The following KAZN variants were observed in gnomAD, a reference collection of about 807,000 sequenced individuals.
KAZN encodes the protein kazrin, periplakin interacting protein, also known as kazrin.
In KAZN, 40 loss-of-function variants were observed where a neutral mutation model predicts 87.4. The observed-to-expected ratio is 0.46, with a 90% confidence interval of 0.36 to 0.60. KAZN has a LOEUF of 0.60. Ranked by LOEUF, KAZN falls within the 20% of genes least tolerant of loss-of-function variation. The pLI is 0.00. For synonymous variants in KAZN, 466 were observed against 458.3 expected, an observed-to-expected ratio of 1.02 and a Z score of -0.22; for missense variants, 898 against 1,073.9, an observed-to-expected ratio of 0.84 and a Z score of 2.29.
At chr1:14,649,647 T>C (rs1037691011) in intron 1 of KAZN, among the ~76,000 whole-genome samples, 4 of 152,034 alleles carry the variant, frequency 2.6e-5, no homozygotes, top group Non-Finnish European at 5.9e-5. Flanking sequence ...ACAGACCAAA[T>C]GTCAAGGCGA....
chr1:14,245,416 G>T (rs1296750042), intron 2 of KAZN, among the ~76,000 whole-genome samples: 1 of 151,974 alleles, frequency 6.6e-6, no homozygotes, highest in Non-Finnish European at 1.5e-5. Flanking sequence ...CAATAAATGG[G>T]GAGCTATATC....
chr1:14,594,781 G>A (rs879694155), upstream of KAZN, among the ~76,000 whole-genome samples: 2 of 152,190 alleles, frequency 1.3e-5, no homozygotes, highest in Non-Finnish European at 2.9e-5. Context: ...GGCGGTAAAC[G>A]CCTATCAGCC....
chr1:14,520,574 G>A (rs1671534984), intron 2 of KAZN, among the ~76,000 whole-genome samples: 1 of 152,146 alleles, frequency 6.6e-6, no homozygotes, highest in Non-Finnish European at 1.5e-5. Flanking sequence ...CTGACTTCCT[G>A]CCCAAGCAAG....
Position 14,438,876 on chromosome 1 carries a change from G to C in KAZN, c.250-160107G>C, listed in dbSNP as rs186813812. Among the ~76,000 whole-genome samples, 316 of 152,282 alleles carry C rather than the reference G, an allele frequency of 2.1e-3. 1 individual carries two copies. The highest frequency in any genetic ancestry group is 7.2e-3 in the African/African-American group (301 of 41,564). ...TTTCCAGTTTCCTCCGGTACCTGCT[G>C]TTTCCCTATGTAAGCCCTTAGTGCT... On this transcript the variant is annotated intron_variant, in intron 2 of 16. Transcript: ENST00000636203.
chr1:14,269,332 AG>A (rs1651743337), intron 2 of KAZN, among the ~76,000 whole-genome samples: 1 of 152,006 alleles, frequency 6.6e-6, no homozygotes, highest in Admixed American at 6.6e-5. Context: ...ATAAAAAAAA[AG>A]TTTGAGAAAC....
intron 2 of KAZN, among the ~76,000 whole-genome samples, chr1:14,369,718 C>T (rs1003978693): frequency 5.9e-5 from 9 of 152,180 alleles, no homozygotes; most frequent in Admixed American, 5.2e-4. Context: ...GGAAATAAAC[C>T]TGACCACAGC....
intron 2 of KAZN, among the ~76,000 whole-genome samples, chr1:14,505,554 G>GATCAAATAAATTTGATTACTCTAGAGTA (rs1670536157): frequency 2.0e-5 from 3 of 152,096 alleles, no homozygotes; most frequent in Non-Finnish European, 2.9e-5. Context: ...ACTTATCTGA[G>GATCAAATAAATTTGATTACTCTAGAGTA]ATCAAATAAA....
intron 1 of KAZN, among the ~76,000 whole-genome samples, chr1:14,170,367 C>A (rs546102356): frequency 2.7e-5 from 4 of 149,932 alleles, no homozygotes; most frequent in East Asian, 3.9e-4. Flanking sequence ...TTCACTGGGT[C>A]AAGGTAAAAA....
At chr1:13,925,569 A>C (rs1279524398) in intron 1 of KAZN, among the ~76,000 whole-genome samples, 3 of 152,186 alleles carry the variant, frequency 2.0e-5, no homozygotes, top group African/African-American at 7.2e-5. Context: ...GCAATGAATG[A>C]GGAGAAAATA....
chr1:14,565,841 C>G (rs931882550), intron 2 of KAZN, among the ~76,000 whole-genome samples: 11 of 152,198 alleles, frequency 7.2e-5, no homozygotes, highest in African/African-American at 2.7e-4. Context: ...TCAGTCACAT[C>G]TTTAGACTCC....
chr1:14,554,877 A>G (rs1673765353), intron 2 of KAZN, among the ~76,000 whole-genome samples: 1 of 152,198 alleles, frequency 6.6e-6, no homozygotes, highest in Non-Finnish European at 1.5e-5. Flanking sequence ...GTCACAAACC[A>G]TCCCAGTGCT....
At chr1:14,721,497 T>C (rs1363241188) in intron 1 of KAZN, among the ~76,000 whole-genome samples, 1 of 152,242 alleles carries the variant, frequency 6.6e-6, no homozygotes, top group Non-Finnish European at 1.5e-5. Flanking sequence ...AACAGACGAA[T>C]AGACCTGTGC....
At chr1:13,937,030 T>A (rs1361009735) in intron 1 of KAZN, among the ~76,000 whole-genome samples, 2 of 148,654 alleles carry the variant, frequency 1.3e-5, no homozygotes, top group African/African-American at 5.0e-5. Context: ...TCATGTTTTT[T>A]CCCCACTTTT....
chr1:14,557,672 T>TGTGGTGTGTGA (rs1673992906), intron 2 of KAZN, among the ~76,000 whole-genome samples: 12 of 136,872 alleles, frequency 8.8e-5, no homozygotes, highest in African/African-American at 3.0e-4. Flanking sequence ...GTGTGGTGTG[T>TGTGGTGTGTGA]GAGAGAGAGA....
At chr1:15,002,742 A>G (rs1227999050) in intron 2 of KAZN, among the ~76,000 whole-genome samples, 1 of 151,898 alleles carries the variant, frequency 6.6e-6, no homozygotes, top group East Asian at 1.9e-4. Context: ...TTGGGAGGCC[A>G]AGGCAGGCAG....
At chr1:14,136,085 GTCTT>G (rs1645103554) in intron 1 of KAZN, among the ~76,000 whole-genome samples, 1 of 152,114 alleles carries the variant, frequency 6.6e-6, no homozygotes, top group African/African-American at 2.4e-5. Context: ...GAAGAGGAGG[GTCTT>G]TGTGGAAAAC....
chr1:14,272,351 T>C (rs1393738708), intron 2 of KAZN, among the ~76,000 whole-genome samples: 1 of 152,204 alleles, frequency 6.6e-6, no homozygotes, highest in Non-Finnish European at 1.5e-5. Context: ...GGCCTTTTAC[T>C]GTCTAGGAAA....
intron 2 of KAZN, among the ~76,000 whole-genome samples, chr1:14,527,028 A>C (rs1037829559): frequency 1.3e-5 from 2 of 152,202 alleles, no homozygotes; most frequent in South Asian, 4.1e-4. Flanking sequence ...ATGCTTGTGG[A>C]CCAGTACCTA....
intron 2 of KAZN, among the ~76,000 whole-genome samples, chr1:14,992,912 G>A (rs995089632): frequency 2.0e-5 from 3 of 151,936 alleles, no homozygotes; most frequent in Admixed American, 6.6e-5. Context: ...CCAAAGTGCT[G>A]GGATTACAGG....
Sources: allele counts gnomAD v4.1 joint callset (sites outside exome capture counted in the v4.1 genomes callset), GRCh38; gene constraint gnomAD v4.1.1; transcripts MANE v1.5; gene names NCBI Gene and HGNC (gene_info 2026-07-23, HGNC 2026-07-21).